Variants in UBE2F observed in about 807,000 individuals in gnomAD.
UBE2F encodes the protein NEDD8-conjugating enzyme UBE2F.
UBE2F carries 5 observed loss-of-function variants against 29.6 expected under a neutral mutation model. The ratio of observed to expected loss-of-function variants is 0.17; its 90% CI spans 0.09 to 0.36. The LOEUF (loss-of-function observed/expected upper bound fraction) is 0.36, where lower values mean the gene tolerates loss of function less well. Ranked by LOEUF, UBE2F falls within the 10% of genes least tolerant of loss-of-function variation. The pLI is 1.00. For missense variants in UBE2F, 141 were observed against 228.5 expected (o/e 0.62, Z 2.47); for synonymous variants, 66 against 81.8 (o/e 0.81, Z 1.04).
intron 2 of UBE2F, among the ~76,000 whole-genome samples, chr2:237,974,120 A>G (rs1004162503): frequency 2.0e-5 from 3 of 150,974 alleles, no homozygotes; most frequent in African/African-American, 7.3e-5. Flanking sequence ...CAGCCTCCTG[A>G]GTAGCGGAGA....
At chr2:238,038,359 C>T (rs1280489479) in intron 9 of UBE2F, among the ~76,000 whole-genome samples, 2 of 152,184 alleles carry the variant, frequency 1.3e-5, no homozygotes, top group South Asian at 2.1e-4. Context: ...AATCAGTCCC[C>T]GACCCCTGCC....
At chr2:238,005,565 A>T (rs2063882561) in intron 4 of UBE2F, among the ~76,000 whole-genome samples, 1 of 151,226 alleles carries the variant, frequency 6.6e-6, no homozygotes, top group Non-Finnish European at 1.5e-5. Flanking sequence ...AGTTTGAGTT[A>T]ATTTTCACAT....
intron 2 of UBE2F, among the ~76,000 whole-genome samples, chr2:237,974,513 T>TG (rs2063237004): frequency 4.7e-5 from 4 of 85,854 alleles, no homozygotes; most frequent in African/African-American, 1.8e-4. Context: ...TTTTTTTTTT[T>TG]TGTTTTTTTT....
intron 3 of UBE2F, among the ~76,000 whole-genome samples, chr2:237,990,760 CA>C (rs1039144942): frequency 9.3e-5 from 13 of 140,046 alleles, no homozygotes; most frequent in Non-Finnish European, 1.2e-4. Flanking sequence ...GACTCTGTCT[CA>C]AAAAAAAAAT....
intron 4 of UBE2F, among the ~76,000 whole-genome samples, chr2:237,999,799 G>A (rs888939405): frequency 2.1e-5 from 3 of 145,644 alleles, no homozygotes; most frequent in African/African-American, 7.7e-5. Context: ...ATTCATAGAT[G>A]TTAAGTATTT....
At chr2:238,030,075 G>A (rs1449776760) in intron 6 of UBE2F, among the ~76,000 whole-genome samples, 6 of 151,780 alleles carry the variant, frequency 4.0e-5, no homozygotes, top group East Asian at 3.9e-4. Flanking sequence ...GAGTACAGGC[G>A]TGCACCACTA....
intron 8 of UBE2F, among the ~76,000 whole-genome samples, chr2:238,033,159 A>G (rs4143809): frequency 0.83 from 126,739 of 152,172 alleles, 52,898 homozygotes; most frequent in East Asian, 0.97. Flanking sequence ...AGGGCTTTTC[A>G]TGAGTCCAGA....
chr2:238,034,528 A>G (rs1013493517), intron 8 of UBE2F, among the ~76,000 whole-genome samples: 5 of 152,204 alleles, frequency 3.3e-5, no homozygotes, highest in Admixed American at 3.3e-4. Context: ...CAAAATTGCT[A>G]ATTAAGTCTG....
intron 8 of UBE2F, 152 bp downstream of exon 8, chr2:238,032,406 G>T (rs1423568878): frequency 3.1e-6 from 2 of 642,316 alleles, no homozygotes; most frequent in East Asian, 5.6e-5. Flanking sequence ...CTAGCACTTT[G>T]GGTGGATCCC....
At chr2:237,981,312 A>G (rs1254143669) in intron 2 of UBE2F, among the ~76,000 whole-genome samples, 3 of 152,134 alleles carry the variant, frequency 2.0e-5, no homozygotes, top group Non-Finnish European at 2.9e-5. Flanking sequence ...CCCTCGTTGG[A>G]AGTGCAGCAA....
At chr2:237,991,195 C>G (rs2063579441) in intron 3 of UBE2F, among the ~76,000 whole-genome samples, 1 of 152,184 alleles carries the variant, frequency 6.6e-6, no homozygotes, top group Admixed American at 6.5e-5. Context: ...TACCTTCTCT[C>G]CTAATCGAAG....
intron 6 of UBE2F, among the ~76,000 whole-genome samples, chr2:238,029,317 G>A (rs567016234): frequency 6.6e-6 from 1 of 152,098 alleles, no homozygotes; most frequent in Non-Finnish European, 1.5e-5. Flanking sequence ...GGCTGGGCGT[G>A]GTGGCTCACG....
At chr2:238,001,528 A>C (rs560581450) in intron 4 of UBE2F, among the ~76,000 whole-genome samples, 1 of 152,284 alleles carries the variant, frequency 6.6e-6, no homozygotes, top group African/African-American at 2.4e-5. Flanking sequence ...AGAATATATC[A>C]GTCATTAGGC....
chr2:237,973,815 T>C (rs2063220311), intron 2 of UBE2F: 3 of 569,140 alleles, frequency 5.3e-6, no homozygotes, highest in South Asian at 6.5e-5. Context: ...CATGCAGATA[T>C]GCATTCATTT....
At chr2:238,033,882 ATCTG>A (rs1208111546) in intron 8 of UBE2F, among the ~76,000 whole-genome samples, 1 of 152,166 alleles carries the variant, frequency 6.6e-6, no homozygotes. Flanking sequence ...CTAATTTGAA[ATCTG>A]TCTGGCAGTT....
At chr2:237,974,604 C>T (rs1180346270) in intron 2 of UBE2F, among the ~76,000 whole-genome samples, 2 of 151,028 alleles carry the variant, frequency 1.3e-5, no homozygotes, top group Non-Finnish European at 1.5e-5. Flanking sequence ...ACCTCTGCCC[C>T]CAGGGTTCAA....
rs183429349 is a variant in UBE2F, at chr2:238,001,484, T to C, written c.214+6675T>C. ...TTCTACAGCTAGATTATAAATCTTATATAGTTATGTGTGTATTCCTCTAAA... is the reference window on the plus strand; with the variant it reads ...TTCTACAGCTAGATTATAAATCTTACATAGTTATGTGTGTATTCCTCTAAA... On this transcript the variant is annotated intron_variant, in intron 4 of 9. Coordinates refer to ENST00000272930, the MANE Select transcript of UBE2F (RefSeq NM_080678.3). 2.0e-3 allele frequency among the ~76,000 whole-genome samples: 310 copies of C among 152,322 alleles called. 1 individual carries two copies. Among genetic ancestry groups the C allele is most frequent in the Non-Finnish European group, 3.7e-3 (250 of 68,034 alleles).
intron 8 of UBE2F, among the ~76,000 whole-genome samples, chr2:238,033,048 C>G (rs1177891928): frequency 6.6e-6 from 1 of 152,204 alleles, no homozygotes; most frequent in Non-Finnish European, 1.5e-5. Context: ...TGGCCCAGTC[C>G]ACTTCTGTGC....
At chr2:238,012,804 G>C (rs1280718292) in intron 4 of UBE2F, among the ~76,000 whole-genome samples, 1 of 152,156 alleles carries the variant, frequency 6.6e-6, no homozygotes, top group Non-Finnish European at 1.5e-5. Context: ...TTGTTTCTTG[G>C]CATCCTCTTT....
Sources: gnomAD v4.1 joint callset for allele counts (sites outside exome capture counted in the v4.1 genomes callset) on GRCh38, gnomAD v4.1.1 for gene constraint, MANE v1.5 for transcripts, NCBI Gene and HGNC (gene_info 2026-07-23, HGNC 2026-07-21) for gene names.